Variants in TEX11 observed in about 807,000 individuals in gnomAD.
TEX11 encodes testis-expressed protein 11.
TEX11 carries 7 observed loss-of-function variants against 84.4 expected under a neutral mutation model. The ratio of observed to expected loss-of-function variants is 0.08; its 90% CI spans 0.05 to 0.16. TEX11 has a LOEUF of 0.16. Among genes scored for constraint, TEX11 ranks in the 10% least tolerant of loss-of-function variants. The pLI, the probability that TEX11 is intolerant of heterozygous loss-of-function variation, is 1.00. For missense variants in TEX11, 551 were observed against 660.5 expected, an observed-to-expected ratio of 0.83 and a Z score of 1.82; for synonymous variants, 264 against 222.8, an observed-to-expected ratio of 1.18 and a Z score of -1.64.
chrX:70,907,702 C>T (rs992213957), intron 2 of TEX11, 51 bp downstream of exon 2: 2 of 988,532 alleles, frequency 2.0e-6, no homozygotes, highest in African/African-American at 1.9e-5. Flanking sequence ...ATATTTAGAT[C>T]TTAAAGCAGC....
chrX:70,906,416 CT>C lies in TEX11; in HGVS notation c.37+1336del, dbSNP rs2091834263. On this transcript the variant is annotated intron_variant, in intron 2 of 29. Transcript: ENST00000374333. ...TTAAGAGTCATAATCCCTATTCCAT[CT>C]TTATACCTTTAAGATATTTTATCCT... Among the ~76,000 whole-genome samples the C allele has an allele frequency of 2.7e-5, 3 of 109,162 alleles. No homozygotes were observed. The South Asian group carries it at 1.2e-3, about 43-fold the overall frequency. The allele number at this position is 109,162 out of a possible 115,157, so 94.8% of individuals were successfully genotyped here.
At chrX:70,696,720 G>A (rs781316973) in intron 13 of TEX11, among the ~76,000 whole-genome samples, 1 of 111,849 alleles carries the variant, frequency 8.9e-6, no homozygotes, top group South Asian at 3.7e-4. Flanking sequence ...AGTGAGCAGA[G>A]ATCACGCCAC....
intron 17 of TEX11, among the ~76,000 whole-genome samples, chrX:70,631,344 C>T (rs1457885948): frequency 8.9e-6 from 1 of 112,277 alleles, no homozygotes; most frequent in East Asian, 2.8e-4. Flanking sequence ...AAAGAATGTT[C>T]TCTGGAAAAT....
At chrX:70,656,698 C>T (rs1342330204) in intron 16 of TEX11, among the ~76,000 whole-genome samples, 1 of 111,701 alleles carries the variant, frequency 9.0e-6, no homozygotes, top group African/African-American at 3.3e-5. Context: ...AATAGGGAAG[C>T]GTCTAATGGA....
Position 70,635,637 on chromosome X carries a change from C to T in TEX11, c.1484-5902G>A, listed in dbSNP as rs745538964. On this transcript the variant is annotated intron_variant, in intron 17 of 29. Coordinates refer to ENST00000374333, the MANE Select transcript of TEX11 (RefSeq NM_031276.3). ...GCTGCCAGTATGAAGCTGGATCCCC[C>T]GTAGCCCCAGGCTTCAGGTCTGCCT... Among the ~76,000 whole-genome samples the T allele has an allele frequency of 1.9e-3, 209 of 112,240 alleles. 1 individual carries two copies. The highest frequency in any genetic ancestry group is 6.5e-3 in the African/African-American group (201 of 30,950).
At chrX:70,540,313 T>C (rs1019032471) in intron 28 of TEX11, among the ~76,000 whole-genome samples, 4 of 112,008 alleles carry the variant, frequency 3.6e-5, no homozygotes, top group Non-Finnish European at 7.5e-5. Context: ...ATCTTAATCA[T>C]TTTAAGTGAA....
intron 2 of TEX11, among the ~76,000 whole-genome samples, chrX:70,887,943 A>G (rs1047304465): frequency 4.4e-5 from 5 of 112,918 alleles, no homozygotes; most frequent in African/African-American, 1.6e-4. Context: ...AATCTAGAGA[A>G]TGCTTCTGGA....
chrX:70,737,565 C>G (rs1396790794), intron 11 of TEX11, among the ~76,000 whole-genome samples: 1 of 110,157 alleles, frequency 9.1e-6, no homozygotes, highest in Non-Finnish European at 1.9e-5. Context: ...GATAAAAAAT[C>G]CAAAACTTAT....
chrX:70,541,706 C>A (rs181847994), intron 28 of TEX11, among the ~76,000 whole-genome samples: 1,132 of 111,015 alleles, frequency 0.01, 10 homozygotes, highest in African/African-American at 0.035. Context: ...TGCAGTAAGC[C>A]GAGATGGCGC....
At chrX:70,608,249 A>C in intron 22 of TEX11, among the ~76,000 whole-genome samples, 1 of 112,218 alleles carries the variant, frequency 8.9e-6, no homozygotes, top group Non-Finnish European at 1.9e-5. Context: ...TTTCAAGTCC[A>C]ACTCCTTTTC....
chrX:70,599,901 T>C (rs2089071780), intron 24 of TEX11, among the ~76,000 whole-genome samples: 1 of 108,276 alleles, frequency 9.2e-6, no homozygotes, highest in African/African-American at 3.4e-5. Context: ...TGCCACATTT[T>C]CTTAATCCAG....
rs896674319 is a variant in TEX11, at chrX:70,744,285, T to A, written c.693-66A>T. 1.8e-5 allele frequency: 9 copies of A among 493,132 alleles called. No individual in the cohort carries two copies. The Admixed American group carries it at 4.1e-4, about 23-fold the overall frequency. The allele number at this position is 493,132 out of a possible 1,213,427, so 40.6% of individuals were successfully genotyped here. A position where few individuals can be genotyped will look rare whatever the true frequency, so the allele number is the denominator to read the frequency against. On this transcript the variant is annotated intron_variant, in intron 9 of 29. Transcript: ENST00000374333. ...ACATATATCCATTTCAAATTATATA[T>A]AATTTTCAAGATTATATATTACTAA...
intron 16 of TEX11, among the ~76,000 whole-genome samples, chrX:70,663,622 G>T (rs2089950722): frequency 9.0e-6 from 1 of 111,253 alleles, no homozygotes; most frequent in Admixed American, 9.6e-5. Flanking sequence ...ATACAATACA[G>T]ATGCTCCTCA....
rs535814076 is a variant in TEX11, at chrX:70,530,698, A to G, written c.2521-699T>C. Among the ~76,000 whole-genome samples the G allele has an allele frequency of 8.9e-5, 10 of 112,380 alleles. No individual in the cohort carries two copies. In the South Asian group the frequency reaches 3.8e-3, roughly 42 times the overall value. On this transcript the variant is annotated intron_variant, in intron 28 of 29. Coordinates refer to ENST00000374333, the MANE Select transcript of TEX11 (RefSeq NM_031276.3). ...TGTGATAGGAGACACATTAGGCAGC[A>G]GCTTTTTGAGAGTGTCAAGAATGCT...
chrX:70,732,034 C>T (rs2090656557), intron 11 of TEX11, among the ~76,000 whole-genome samples: 1 of 111,914 alleles, frequency 8.9e-6, no homozygotes, highest in Admixed American at 9.5e-5. Context: ...AGCATATAAA[C>T]AGAACCAATG....
intron 20 of TEX11, among the ~76,000 whole-genome samples, chrX:70,623,417 G>A (rs1296107999): frequency 8.9e-6 from 1 of 111,774 alleles, no homozygotes; most frequent in Non-Finnish European, 1.9e-5. Context: ...AAATATATTT[G>A]AATACTCTCA....
chrX:70,713,453 T>A (rs1022257995), intron 13 of TEX11, among the ~76,000 whole-genome samples: 1 of 112,095 alleles, frequency 8.9e-6, no homozygotes, highest in Admixed American at 9.5e-5. Context: ...CTATTGATTA[T>A]TGCCTCAATG....
the TEX11 span, among the ~76,000 whole-genome samples, chrX:70,523,011 T>C: frequency 2.7e-5 from 3 of 110,864 alleles, no homozygotes; most frequent in African/African-American, 9.9e-5. Context: ...TACAGCTTAG[T>C]TTGCATCAAA....
intron 15 of TEX11, among the ~76,000 whole-genome samples, chrX:70,676,466 G>A (rs935531316): frequency 1.8e-5 from 2 of 111,940 alleles, no homozygotes; most frequent in South Asian, 3.7e-4. Context: ...GAAATCTGAC[G>A]TTCTCTTTAA....
Sources: gnomAD v4.1 joint callset for allele counts (sites outside exome capture counted in the v4.1 genomes callset) on GRCh38, gnomAD v4.1.1 for gene constraint, MANE v1.5 for transcripts, NCBI Gene and HGNC (gene_info 2026-07-23, HGNC 2026-07-21) for gene names.